Variants in CACNA1B observed in about 807,000 individuals in gnomAD.
The protein encoded by CACNA1B is calcium voltage-gated channel subunit alpha1 B, also known as voltage-dependent N-type calcium channel subunit alpha-1B.
In CACNA1B, 70 loss-of-function variants were observed where a neutral mutation model predicts 247.2. That is an observed-to-expected ratio of 0.28 (90% CI 0.23 to 0.35). The LOEUF (loss-of-function observed/expected upper bound fraction) is 0.35, where lower values mean the gene tolerates loss of function less well. Ranked by LOEUF, CACNA1B falls within the 10% of genes least tolerant of loss-of-function variation. The pLI is 1.00. For synonymous variants in CACNA1B, 1,231 were observed against 1,294.4 expected (o/e 0.95, Z 1.05); for missense variants, 2,367 against 3,197.4 (o/e 0.74, Z 6.26).
intron 20 of CACNA1B, among the ~76,000 whole-genome samples, chr9:138,030,029 A>T (rs1229047306): frequency 6.6e-6 from 1 of 152,206 alleles, no homozygotes; most frequent in African/African-American, 2.4e-5. Flanking sequence ...GCAAATGAAC[A>T]GTTTTAGTTT....
At chr9:137,885,344 T>C (rs1251087532) in intron 3 of CACNA1B, among the ~76,000 whole-genome samples, 1 of 152,312 alleles carries the variant, frequency 6.6e-6, no homozygotes, top group Admixed American at 6.5e-5. Context: ...TGGAGGGGGC[T>C]GGGTCTGCTG....
At chr9:137,902,079 A>T (rs936936844) in intron 3 of CACNA1B, among the ~76,000 whole-genome samples, 1 of 152,142 alleles carries the variant, frequency 6.6e-6, no homozygotes, top group African/African-American at 2.4e-5. Flanking sequence ...TTGTTAATTT[A>T]TTCAATATAA....
At chr9:138,015,917 C>T (rs1958785518) in intron 18 of CACNA1B, among the ~76,000 whole-genome samples, 1 of 152,114 alleles carries the variant, frequency 6.6e-6, no homozygotes, top group Non-Finnish European at 1.5e-5. Flanking sequence ...GTCACACTGA[C>T]ACTCACACAC....
rs888767956 is a variant in CACNA1B at position 137,919,161 on chromosome 9, G to T, written c.966+1730G>T. Among the ~76,000 whole-genome samples, 3 of 152,240 alleles carry T rather than the reference G, an allele frequency of 2.0e-5. No individual in the cohort carries two copies. Among genetic ancestry groups the T allele is most frequent in the African/African-American group, 7.2e-5 (3 of 41,470 alleles). On this transcript the variant is annotated intron_variant, in intron 6 of 46. Transcript: ENST00000371372. This position sits in a 1 kb window ranked among gnomAD's most constrained non-coding sequence, Gnocchi z 4.6. ...GGGGATGGGCAGGAGCCCCATCCTG[G>T]GGCAGGCAGCACTGGCCAGGAGGGG...
chr9:137,993,679 C>T (rs779030548), intron 15 of CACNA1B, among the ~76,000 whole-genome samples: 12 of 152,034 alleles, frequency 7.9e-5, no homozygotes, highest in Non-Finnish European at 1.2e-4. Flanking sequence ...AGACCAGTAA[C>T]GAGTAGCGAG....
chr9:138,113,906 G>A (rs539854772), intron 40 of CACNA1B, among the ~76,000 whole-genome samples: 150 of 145,290 alleles, frequency 1.0e-3, no homozygotes, highest in African/African-American at 3.7e-3. Flanking sequence ...GTGAGGGAGC[G>A]CAGGAAGGTG....
chr9:137,938,943 C>T (rs545174771), intron 6 of CACNA1B, among the ~76,000 whole-genome samples: 2 of 152,166 alleles, frequency 1.3e-5, no homozygotes, highest in East Asian at 3.9e-4. Context: ...TGGTGGCAGG[C>T]TCCTGTAATC....
rs141722972 is a variant in CACNA1B at position 138,072,270 on chromosome 9, G to C, written c.4675-1218G>C. The stretch of plus-strand genomic sequence containing the variant: ...TTGAATCCTCAGCCACCCTGCCCCT[G>C]CCAGTGGAAGTGGCAGACCTAGGCA... On this transcript the variant is annotated intron_variant, in intron 32 of 46. Coordinates refer to ENST00000371372, the MANE Select transcript of CACNA1B (RefSeq NM_000718.4). The surrounding 1 kb of genome is among the most constrained non-coding windows in gnomAD (Gnocchi z 4.5). Among the ~76,000 whole-genome samples, 693 of 152,284 alleles carry C rather than the reference G, an allele frequency of 4.6e-3. 5 individuals carry two copies. The highest frequency in any genetic ancestry group is 0.015 in the African/African-American group (635 of 41,554).
Position 138,057,677 on chromosome 9 carries a change from G to A in CACNA1B, c.3969-55G>A, listed in dbSNP as rs1959562300. ...ATGGTTTCAACACTCTTGATAGGTGGGTTTATTTGGATCTTTTGTCTTTGC... is the reference window on the plus strand; with the variant it reads ...ATGGTTTCAACACTCTTGATAGGTGAGTTTATTTGGATCTTTTGTCTTTGC... On this transcript the variant is annotated intron_variant, in intron 26 of 46. Transcript: ENST00000371372. The surrounding 1 kb of genome is among the most constrained non-coding windows in gnomAD (Gnocchi z 4.0). 3 of 1,548,766 alleles carry A rather than the reference G, an allele frequency of 1.9e-6. No individual in the cohort carries two copies. Among genetic ancestry groups the A allele is most frequent in the African/African-American group, 1.4e-5 (1 of 73,880 alleles).
rs1194706835 is a variant in CACNA1B at position 138,023,549 on chromosome 9, C to T, written c.2806C>T (p.Arg936Cys). Residue 936 changes from arginine to cysteine, a missense_variant, in exon 19 of 47, where the codon CGC (arginine) becomes TGC (cysteine). By Grantham distance (180) the Arg-to-Cys change is radical. Around this residue, in one of 12 missense-constraint regions of CACNA1B, gnomAD observed 631 missense variants for 631.1 expected, o/e 1.00. Transcript: ENST00000371372. ...EAAEREPRRHRAHRHQDPSKE... is the reference protein window; with the variant it reads ...EAAEREPRRHCAHRHQDPSKE... ...GGCCGAGCGGGAGCCCCGACGCCACCGCGCGCACCGGCACCAGGATCCGAG... is the reference window on the plus strand; with the variant it reads ...GGCCGAGCGGGAGCCCCGACGCCACTGCGCGCACCGGCACCAGGATCCGAG... 2.8e-6 allele frequency: 3 copies of T among 1,085,848 alleles called. No homozygotes were observed. The highest frequency in any genetic ancestry group is 3.4e-6 in the Non-Finnish European group (3 of 890,690). The allele number at this position is 1,085,848 out of a possible 1,614,324, so 67.3% of individuals were successfully genotyped here. A position where few individuals can be genotyped will look rare whatever the true frequency, so the allele number is the denominator to read the frequency against.
intron 31 of CACNA1B, 127 bp from the exon 32 acceptor site, chr9:138,069,631 C>A: frequency 1.4e-6 from 1 of 706,668 alleles, no homozygotes; most frequent in South Asian, 1.6e-5. Context: ...CCTGCTGACT[C>A]ACGCCATCCA....
Position 137,955,902 on chromosome 9 carries a change from T to A in CACNA1B, c.1186+89T>A, listed in dbSNP as rs766355671. ...TGCTCTGCTGCCAGCTGGGGTGCCCTGGCTGCTGGGTAGAGCCTGAAGGGA... is the reference window on the plus strand; with the variant it reads ...TGCTCTGCTGCCAGCTGGGGTGCCCAGGCTGCTGGGTAGAGCCTGAAGGGA... On this transcript the variant is annotated intron_variant, in intron 8 of 46. Transcript: ENST00000371372. The surrounding 1 kb of genome is among the most constrained non-coding windows in gnomAD (Gnocchi z 6.9). 288 of 874,670 alleles carry A rather than the reference T, an allele frequency of 3.3e-4. 1 individual carries two copies. The highest frequency in any genetic ancestry group is 5.0e-4 in the Non-Finnish European group (267 of 535,166). The allele number at this position is 874,670 out of a possible 1,614,324, so 54.2% of individuals were successfully genotyped here.
At position 137,971,959 on chromosome 9, in the gene CACNA1B, C is replaced by T. The variant is rs1351784025; in HGVS notation, c.1543+367C>T. The stretch of plus-strand genomic sequence containing the variant: ...TGTCCTCCCCTGAGAGGGCTTCAGA[C>T]CCACAGACAGGGGACTTAGCCCCAC... On this transcript the variant is annotated intron_variant, in intron 11 of 46. Transcript: ENST00000371372. This position sits in a 1 kb window ranked among gnomAD's most constrained non-coding sequence, Gnocchi z 4.4. Among the ~76,000 whole-genome samples the T allele has an allele frequency of 6.6e-6, 1 of 152,156 alleles. No individual in the cohort carries two copies. The highest frequency in any genetic ancestry group is 2.4e-5 in the African/African-American group (1 of 41,428).
chr9:138,025,367 C>A (rs1589076914), intron 20 of CACNA1B, among the ~76,000 whole-genome samples, 195 bp downstream of exon 20: 1 of 152,344 alleles, frequency 6.6e-6, no homozygotes, highest in Admixed American at 6.5e-5. Flanking sequence ...CCAGAGATAA[C>A]TGAGGTTGAG....
Position 137,882,784 on chromosome 9 carries a change from A to G in CACNA1B, c.431A>G (p.Glu144Gly). 6.2e-7 allele frequency: 1 copy of G among 1,613,938 alleles called. No individual in the cohort carries two copies. The highest frequency in any genetic ancestry group is 8.5e-7 in the Non-Finnish European group (1 of 1,179,832). ...TATTTCATCGGGATCTTTTGCTTCG[A>G]GGCAGGGATCAAAATCATCGCTCTG... ...EPYFIGIFCF[E>G]AGIKIIALGF... is the part of the protein sequence containing the mutation. Residue 144 changes from glutamate to glycine, a missense_variant, in exon 3 of 47, where the codon GAG (glutamate) becomes GGG (glycine). Coordinates refer to ENST00000371372, the MANE Select transcript of CACNA1B (RefSeq NM_000718.4). The surrounding 1 kb of genome is among the most constrained non-coding windows in gnomAD (Gnocchi z 4.0).
chr9:138,121,732 C>T lies in CACNA1B; in HGVS notation c.6753C>T (p.Gly2251=), dbSNP rs1962108482. 6.2e-7 allele frequency: 1 copy of T among 1,613,328 alleles called. No individual in the cohort carries two copies. The highest frequency in any genetic ancestry group is 1.3e-5 in the African/African-American group (1 of 74,932). The change falls in exon 47 of 47, where the codon GGC becomes GGT. Residue 2251 remains glycine (G), a synonymous_variant. Transcript: ENST00000371372. This position sits in a 1 kb window ranked among gnomAD's most constrained non-coding sequence, Gnocchi z 6.8. ...CCCTCAGCCAGCCCCTGGCCCCTGG[C>T]TCTCGAATTGGCTCTGACCCTTACC... ...RDPLSQPLAP[G]SRIGSDPYLG...
At chr9:137,922,944 G>A (rs764576871) in intron 6 of CACNA1B, among the ~76,000 whole-genome samples, 1 of 151,990 alleles carries the variant, frequency 6.6e-6, no homozygotes, top group Non-Finnish European at 1.5e-5. Context: ...TCCTGCCCTC[G>A]CCCCCTCCTT....
chr9:137,992,417 C>T (rs1958441669), intron 15 of CACNA1B, among the ~76,000 whole-genome samples: 2 of 152,196 alleles, frequency 1.3e-5, no homozygotes. Flanking sequence ...GCACCTAACA[C>T]TGAAGCTCTG....
intron 40 of CACNA1B, among the ~76,000 whole-genome samples, chr9:138,114,162 G>A (rs1426106791): frequency 6.6e-6 from 1 of 152,170 alleles, no homozygotes; most frequent in Non-Finnish European, 1.5e-5. Flanking sequence ...GGGCAGTCAG[G>A]AGGGCCAGGT....
Sources: gnomAD v4.1 joint callset for allele counts (sites outside exome capture counted in the v4.1 genomes callset) on GRCh38, gnomAD v4.1.1 for gene constraint, gnomAD v4.1.1 regional missense constraint, Gnocchi (gnomAD v3.1) non-coding constraint, MANE v1.5 for transcripts, NCBI Gene and HGNC (gene_info 2026-07-23, HGNC 2026-07-21) for gene names.